Variants in TTC28 observed in about 807,000 individuals in gnomAD.
TTC28 encodes the protein tetratricopeptide repeat protein 28.
TTC28 carries 61 observed loss-of-function variants against 198.0 expected under a neutral mutation model. The ratio of observed to expected loss-of-function variants is 0.31; its 90% CI spans 0.25 to 0.38. The LOEUF (loss-of-function observed/expected upper bound fraction) is 0.38, where lower values mean the gene tolerates loss of function less well. Ranked by LOEUF, TTC28 falls within the 10% of genes least tolerant of loss-of-function variation. The probability of loss-of-function intolerance (pLI) is 1.00; values close to 1 mark genes in which losing one functional copy is unlikely to be tolerated. For synonymous variants in TTC28, 1,171 were observed against 1,297.8 expected (o/e 0.90, Z 2.10); for missense variants, 2,678 against 3,164.0 (o/e 0.85, Z 3.69).
At chr22:28,334,329 T>C (rs2045669780) in intron 2 of TTC28, among the ~76,000 whole-genome samples, 1 of 152,166 alleles carries the variant, frequency 6.6e-6, no homozygotes, top group Admixed American at 6.5e-5. Flanking sequence ...CATGTGTCTT[T>C]ATAGCAGCAT....
intron 5 of TTC28, among the ~76,000 whole-genome samples, chr22:28,196,861 G>A (rs1925404199): frequency 6.6e-6 from 1 of 152,068 alleles, no homozygotes; most frequent in Non-Finnish European, 1.5e-5. Context: ...AAGTCAGTGT[G>A]GTGATTCCTC....
In TTC28 at chr22:28,101,199, C is replaced by G. The variant is rs1187060057; in HGVS notation, c.3389G>C (p.Ser1130Thr). 1 of 1,551,498 alleles carries G rather than the reference C, an allele frequency of 6.4e-7. No individual in the cohort carries two copies. The highest frequency in any genetic ancestry group is 1.4e-5 in the African/African-American group (1 of 73,166). The change falls in exon 9 of 23, where the codon AGT becomes ACT. Residue 1130 changes from serine (S) to threonine (T), a missense_variant. Coordinates refer to ENST00000397906, the MANE Select transcript of TTC28 (RefSeq NM_001145418.2). ...GTGTTGGGCCTCCTCCAAGTTTCCACTAGCCCAAAGGGAGAGGCCAAGGCC... is the reference window on the plus strand; with the variant it reads ...GTGTTGGGCCTCCTCCAAGTTTCCAGTAGCCCAAAGGGAGAGGCCAAGGCC... ...RHGLGLSLWA[S>T]GNLEEAQHQL... is the part of the protein sequence containing the mutation.
intron 14 of TTC28, among the ~76,000 whole-genome samples, chr22:28,004,473 G>A (rs1487864371): frequency 6.6e-6 from 1 of 152,158 alleles, no homozygotes; most frequent in African/African-American, 2.4e-5. Context: ...CTGGGAGATA[G>A]GGAGGCTGTT....
intron 2 of TTC28, among the ~76,000 whole-genome samples, chr22:28,313,945 T>C (rs1002105469): frequency 5.9e-5 from 9 of 152,182 alleles, no homozygotes; most frequent in Non-Finnish European, 1.2e-4. Flanking sequence ...GATGACACGA[T>C]TGTATATTGA....
chr22:28,269,992 T>G (rs1024195309), intron 5 of TTC28, among the ~76,000 whole-genome samples: 11 of 152,306 alleles, frequency 7.2e-5, no homozygotes, highest in African/African-American at 2.2e-4. Context: ...TGGTAAGAAC[T>G]GTTGACAAAA....
At chr22:28,061,111 A>G (rs1940517201) in intron 12 of TTC28, among the ~76,000 whole-genome samples, 1 of 152,146 alleles carries the variant, frequency 6.6e-6, no homozygotes, top group South Asian at 2.1e-4. Context: ...TAGATTCTGG[A>G]TATTAGCCCT....
At chr22:28,068,651 T>G (rs897903414) in intron 12 of TTC28, among the ~76,000 whole-genome samples, 5 of 152,188 alleles carry the variant, frequency 3.3e-5, no homozygotes, top group African/African-American at 9.6e-5. Flanking sequence ...ACCAAAGCAA[T>G]TACTTAGGGG....
intron 6 of TTC28, among the ~76,000 whole-genome samples, chr22:28,146,059 G>A (rs904663450): frequency 2.0e-5 from 3 of 152,182 alleles, no homozygotes; most frequent in African/African-American, 7.2e-5. Context: ...AATGCTACAT[G>A]TAGGGGGATT....
chr22:28,395,221 T>C (rs1053217710), intron 2 of TTC28, among the ~76,000 whole-genome samples: 1 of 152,148 alleles, frequency 6.6e-6, no homozygotes, highest in Non-Finnish European at 1.5e-5. Flanking sequence ...TTTTAACACA[T>C]ACAAATATCT....
chr22:28,084,995 G>A (rs554612829), intron 12 of TTC28, among the ~76,000 whole-genome samples: 1 of 152,212 alleles, frequency 6.6e-6, no homozygotes, highest in East Asian at 1.9e-4. Context: ...AACCCTCCAA[G>A]AAATATGGGA....
At chr22:28,086,152 A>G (rs1941587402) in intron 12 of TTC28, among the ~76,000 whole-genome samples, 1 of 152,152 alleles carries the variant, frequency 6.6e-6, no homozygotes, top group African/African-American at 2.4e-5. Context: ...TCAGCTCTGC[A>G]CTAAGCGGAC....
chr22:28,454,120 C>A (rs190553156), intron 2 of TTC28, among the ~76,000 whole-genome samples: 1 of 152,196 alleles, frequency 6.6e-6, no homozygotes, highest in Non-Finnish European at 1.5e-5. Flanking sequence ...CCCAGAGAGG[C>A]TATCCCTGAC....
At chr22:28,037,364 T>A (rs985188870) in intron 12 of TTC28, among the ~76,000 whole-genome samples, 5 of 152,156 alleles carry the variant, frequency 3.3e-5, no homozygotes, top group African/African-American at 1.2e-4. Flanking sequence ...TGGTTCAACA[T>A]ACGAAAATCA....
In TTC28 at chr22:28,673,222, A is replaced by T. The variant is rs2051918894; in HGVS notation, c.102+6400T>A. Among the ~76,000 whole-genome samples the T allele has an allele frequency of 7.9e-5, 12 of 152,210 alleles. No individual in the cohort carries two copies. The South Asian group carries it at 2.3e-3, about 29-fold the overall frequency. Reference sequence around the variant, plus strand: ...ACCCCGTCTCTACTAAAAATACAAAAATTTAGCTAGACTTGGTGGCAGGCG... The same window carrying T: ...ACCCCGTCTCTACTAAAAATACAAATATTTAGCTAGACTTGGTGGCAGGCG... On this transcript the variant is annotated intron_variant, in intron 1 of 22. Coordinates refer to ENST00000397906, the MANE Select transcript of TTC28 (RefSeq NM_001145418.2).
Position 27,993,335 on chromosome 22 carries a change from G to A in TTC28, c.5428C>T (p.Pro1810Ser). 6.5e-7 allele frequency: 1 copy of A among 1,550,012 alleles called. No individual in the cohort carries two copies. The highest frequency in any genetic ancestry group is 8.7e-7 in the Non-Finnish European group (1 of 1,146,860). The change falls in exon 18 of 23, where the codon CCG becomes TCG. Residue 1810 changes from proline to serine, a missense_variant. Transcript: ENST00000397906. ...CTGCACTGCTGGAGCCGGTCGCCCG[G>A]GTCGGAGGTTGGGAAGAAGACAGCC... Reference protein sequence around the residue: ...PAAVFFPTSDPGDRLQQCSST... With the variant: ...PAAVFFPTSDSGDRLQQCSST...
At chr22:28,017,174 G>C (rs1938409480) in intron 13 of TTC28, among the ~76,000 whole-genome samples, 1 of 152,236 alleles carries the variant, frequency 6.6e-6, no homozygotes, top group South Asian at 2.1e-4. Context: ...ACGTGAGCTA[G>C]AGACAGGCCT....
chr22:28,210,499 C>T (rs1926837519), intron 5 of TTC28, among the ~76,000 whole-genome samples: 1 of 152,100 alleles, frequency 6.6e-6, no homozygotes, highest in African/African-American at 2.4e-5. Context: ...CATACACAAG[C>T]TTCAGCAGCC....
At chr22:28,199,715 G>C (rs550757634) in intron 5 of TTC28, among the ~76,000 whole-genome samples, 1 of 151,800 alleles carries the variant, frequency 6.6e-6, no homozygotes, top group South Asian at 2.1e-4. Context: ...TGTGTGGAGA[G>C]TTCTGTGCCT....
chr22:28,456,314 G>C (rs1055257802), intron 2 of TTC28, among the ~76,000 whole-genome samples: 6 of 152,096 alleles, frequency 3.9e-5, no homozygotes, highest in Non-Finnish European at 7.4e-5. Flanking sequence ...GTGGTCACTG[G>C]GGGATGGAGG....
Sources: gnomAD v4.1 joint callset for allele counts (sites outside exome capture counted in the v4.1 genomes callset) on GRCh38, gnomAD v4.1.1 for gene constraint, MANE v1.5 for transcripts, NCBI Gene and HGNC (gene_info 2026-07-23, HGNC 2026-07-21) for gene names.